The following SRBD1 variants were observed in gnomAD, a reference collection of about 807,000 sequenced individuals.
The protein encoded by SRBD1 is S1 RNA binding domain 1.
SRBD1 carries 88 observed loss-of-function variants against 115.3 expected under a neutral mutation model. The ratio of observed to expected loss-of-function variants is 0.76; its 90% CI spans 0.64 to 0.91. SRBD1 has a LOEUF of 0.91. Among genes scored for constraint, SRBD1 ranks in the 40% least tolerant of loss-of-function variants. The pLI, the probability that SRBD1 is intolerant of heterozygous loss-of-function variation, is 0.00. For missense variants in SRBD1, 1,385 were observed against 1,177.4 expected, an observed-to-expected ratio of 1.18 and a Z score of -2.58; for synonymous variants, 509 against 407.7, an observed-to-expected ratio of 1.25 and a Z score of -2.99.
At chr2:45,426,143 G>C (rs929257470) in intron 16 of SRBD1, among the ~76,000 whole-genome samples, 1 of 152,172 alleles carries the variant, frequency 6.6e-6, no homozygotes, top group Non-Finnish European at 1.5e-5. Flanking sequence ...AGTCAACCTG[G>C]GATGCTAGAG....
chr2:45,519,216 A>G (rs1376645300), intron 14 of SRBD1, among the ~76,000 whole-genome samples: 3 of 152,178 alleles, frequency 2.0e-5, no homozygotes, highest in Non-Finnish European at 4.4e-5. Context: ...ATAAGTAAAA[A>G]TTTCAGTTAT....
intron 16 of SRBD1, among the ~76,000 whole-genome samples, chr2:45,420,868 C>A (rs935683316): frequency 2.0e-5 from 3 of 151,940 alleles, no homozygotes; most frequent in East Asian, 1.9e-4. Flanking sequence ...TTATTTTATT[C>A]TTATTATTAT....
rs866324924 is a variant in SRBD1 at position 45,398,889 on chromosome 2, C to T, written c.2514-5760G>A. Among the ~76,000 whole-genome samples, 58 of 152,154 alleles carry T rather than the reference C, an allele frequency of 3.8e-4. 1 individual carries two copies. The highest frequency in any genetic ancestry group is 1.4e-3 in the African/African-American group (57 of 41,520). On this transcript the variant is annotated intron_variant, in intron 19 of 20. Coordinates refer to ENST00000263736, the MANE Select transcript of SRBD1 (RefSeq NM_018079.5). ...TATAATTTAAACAACTGTACGTATACCTCTAAATGAGTATGAGTATATAAA... is the reference window on the plus strand; with the variant it reads ...TATAATTTAAACAACTGTACGTATATCTCTAAATGAGTATGAGTATATAAA...
chr2:45,586,084 G>A (rs1358051967), intron 4 of SRBD1, among the ~76,000 whole-genome samples: 1 of 152,138 alleles, frequency 6.6e-6, no homozygotes, highest in Admixed American at 6.5e-5. Context: ...AGCAAAGCAA[G>A]GAGTTGGTAA....
intron 11 of SRBD1, among the ~76,000 whole-genome samples, chr2:45,551,836 A>G (rs1214313122): frequency 6.6e-6 from 1 of 152,252 alleles, no homozygotes; most frequent in Non-Finnish European, 1.5e-5. Flanking sequence ...AAACAAGATC[A>G]GCTGAAAGAA....
intron 5 of SRBD1, among the ~76,000 whole-genome samples, chr2:45,584,334 C>A (rs1673451461): frequency 6.6e-6 from 1 of 152,200 alleles, no homozygotes; most frequent in Non-Finnish European, 1.5e-5. Context: ...GCTTGATTAT[C>A]CTAGCCTGGC....
intron 16 of SRBD1, among the ~76,000 whole-genome samples, chr2:45,454,492 G>C (rs73925668): frequency 0.011 from 1,638 of 151,810 alleles, 26 homozygotes; most frequent in African/African-American, 0.03. Context: ...CCACCCAACG[G>C]CACTGTGAAG....
chr2:45,560,884 C>A (rs1364426330), intron 10 of SRBD1, among the ~76,000 whole-genome samples: 1 of 151,692 alleles, frequency 6.6e-6, no homozygotes, highest in Non-Finnish European at 1.5e-5. Flanking sequence ...GATAGAAGGA[C>A]CGCTTGAGCC....
At chr2:45,522,310 C>G (rs1034000166) in intron 14 of SRBD1, among the ~76,000 whole-genome samples, 23 of 152,094 alleles carry the variant, frequency 1.5e-4, no homozygotes, top group African/African-American at 5.6e-4. Flanking sequence ...GTAGCTGTAG[C>G]TGGGACTACA....
chr2:45,402,045 G>C (rs1667305616), intron 19 of SRBD1, among the ~76,000 whole-genome samples: 1 of 152,108 alleles, frequency 6.6e-6, no homozygotes, highest in South Asian at 2.1e-4. Flanking sequence ...CACTCATTAA[G>C]GGTCTTCAGT....
At chr2:45,512,468 C>A (rs1368150609) in intron 14 of SRBD1, among the ~76,000 whole-genome samples, 1 of 152,148 alleles carries the variant, frequency 6.6e-6, no homozygotes, top group South Asian at 2.1e-4. Flanking sequence ...TTGTACTTAT[C>A]TGTTGAAGAG....
At chr2:45,445,169 G>A (rs538892771) in intron 16 of SRBD1, among the ~76,000 whole-genome samples, 77 of 152,234 alleles carry the variant, frequency 5.1e-4, no homozygotes, top group African/African-American at 1.4e-3. Context: ...TGGAATAAAC[G>A]GAATGTGCCT....
chr2:45,534,215 C>T (rs891093447), intron 14 of SRBD1, among the ~76,000 whole-genome samples: 1 of 151,868 alleles, frequency 6.6e-6, no homozygotes, highest in Non-Finnish European at 1.5e-5. Context: ...GTCTCCTTTC[C>T]CAACATACTT....
intron 18 of SRBD1, among the ~76,000 whole-genome samples, chr2:45,416,298 G>A (rs1667830768): frequency 1.3e-5 from 2 of 152,004 alleles, no homozygotes; most frequent in Admixed American, 1.3e-4. Flanking sequence ...CAGTAACATT[G>A]CTAGCAAATA....
At chr2:45,482,928 T>C (rs1466456648) in intron 15 of SRBD1, among the ~76,000 whole-genome samples, 1 of 152,126 alleles carries the variant, frequency 6.6e-6, no homozygotes, top group African/African-American at 2.4e-5. Flanking sequence ...ATGTAAATAA[T>C]TGTTATACTA....
intron 14 of SRBD1, among the ~76,000 whole-genome samples, chr2:45,519,235 A>G (rs1005230540): frequency 1.2e-4 from 18 of 152,186 alleles, no homozygotes; most frequent in Admixed American, 1.2e-3. Context: ...ATTCCCAGAA[A>G]AGACAAACAG....
chr2:45,605,948 C>T (rs1349981003), intron 1 of SRBD1, among the ~76,000 whole-genome samples: 1 of 150,924 alleles, frequency 6.6e-6, no homozygotes, highest in African/African-American at 2.4e-5. Context: ...AACAGCCTTC[C>T]AATGGTTTAA....
chr2:45,517,208 T>G (rs964533827), intron 14 of SRBD1, among the ~76,000 whole-genome samples: 3 of 152,226 alleles, frequency 2.0e-5, no homozygotes, highest in Non-Finnish European at 4.4e-5. Context: ...TATCAGGCCA[T>G]GTTCTCTTCC....
At chr2:45,519,454 G>A (rs1352896135) in intron 14 of SRBD1, among the ~76,000 whole-genome samples, 1 of 152,176 alleles carries the variant, frequency 6.6e-6, no homozygotes, top group Non-Finnish European at 1.5e-5. Flanking sequence ...AAGGACCCAG[G>A]TGCTGGCCAC....
Sources: gnomAD v4.1 joint callset for allele counts (sites outside exome capture counted in the v4.1 genomes callset) on GRCh38, gnomAD v4.1.1 for gene constraint, MANE v1.5 for transcripts, NCBI Gene and HGNC (gene_info 2026-07-23, HGNC 2026-07-21) for gene names.